Variants in KIAA1217 observed in about 807,000 individuals in gnomAD.
KIAA1217 encodes sickle tail protein homolog.
Under a neutral mutation model 163.9 loss-of-function variants are expected in KIAA1217, and 88 were observed. The ratio of observed to expected loss-of-function variants is 0.54; its 90% CI spans 0.45 to 0.64. The LOEUF (loss-of-function observed/expected upper bound fraction) is 0.64. Ranked by LOEUF, KIAA1217 falls within the 30% of genes least tolerant of loss-of-function variation. KIAA1217 has a pLI of 0.00. For synonymous variants in KIAA1217, 903 were observed against 923.1 expected, an observed-to-expected ratio of 0.98 and a Z score of 0.39; for missense variants, 2,372 against 2,475.0, an observed-to-expected ratio of 0.96 and a Z score of 0.88.
intron 1 of KIAA1217, among the ~76,000 whole-genome samples, chr10:23,810,517 G>T (rs111208197): frequency 0.29 from 37,704 of 131,532 alleles, 6,045 homozygotes; most frequent in African/African-American, 0.46. Flanking sequence ...ATATACTATA[G>T]ATAATCTATA....
intron 3 of KIAA1217, among the ~76,000 whole-genome samples, chr10:24,404,258 C>A (rs1016762659): frequency 1.3e-5 from 2 of 152,170 alleles, no homozygotes; most frequent in Non-Finnish European, 2.9e-5. Context: ...CTGAGCCCAC[C>A]CCTACAGTTC....
intron 2 of KIAA1217, among the ~76,000 whole-genome samples, chr10:24,069,444 A>C (rs1195707247): frequency 6.6e-6 from 1 of 152,208 alleles, no homozygotes; most frequent in Non-Finnish European, 1.5e-5. Flanking sequence ...GGCAGGTCCC[A>C]TCAGCACTCT....
chr10:24,106,402 G>C (rs1434057784), intron 2 of KIAA1217, among the ~76,000 whole-genome samples: 2 of 151,800 alleles, frequency 1.3e-5, no homozygotes, highest in African/African-American at 2.4e-5. Context: ...CTAGAATGTA[G>C]AGTAAATGGA....
intron 2 of KIAA1217, among the ~76,000 whole-genome samples, chr10:24,135,338 G>A (rs1006775064): frequency 6.6e-6 from 1 of 152,064 alleles, no homozygotes; most frequent in Non-Finnish European, 1.5e-5. Context: ...AAGACTTTAA[G>A]TCAGTGAGTT....
intron 1 of KIAA1217, among the ~76,000 whole-genome samples, chr10:23,816,071 T>G (rs951413052): frequency 6.6e-6 from 1 of 152,178 alleles, no homozygotes; most frequent in Non-Finnish European, 1.5e-5. Context: ...ATATTTAAAG[T>G]TAAGCTACTC....
At chr10:24,057,517 A>C (rs368930300) in intron 2 of KIAA1217, among the ~76,000 whole-genome samples, 17 of 152,162 alleles carry the variant, frequency 1.1e-4, no homozygotes, top group African/African-American at 3.9e-4. Context: ...AAGTGGAATC[A>C]TATGGTATTC....
chr10:24,220,446 C>CTTTTTTTTTT lies in KIAA1217; in HGVS notation c.354+554_354+563dup, dbSNP rs530992369. 1.6e-4 allele frequency among the ~76,000 whole-genome samples: 17 copies of CTTTTTTTTTT among 103,086 alleles called. 3 individuals are homozygous for CTTTTTTTTTT. The highest frequency in any genetic ancestry group is 8.0e-4 in the African/African-American group (16 of 20,044). 67.6% of individuals were successfully genotyped at this position (103,086 alleles called of 152,430 possible). A position where few individuals can be genotyped will look rare whatever the true frequency, so the allele number is the denominator to read the frequency against. ...ACATTAGGGTTTTGTTTCTGCTCTT[C>CTTTTTTTTTT]TTTTTTTTTTTTTTTTTTTTTTTTT... is the stretch of plus-strand genomic sequence containing the variant. On this transcript the variant is annotated intron_variant, in intron 2 of 20. Coordinates refer to ENST00000376454, the MANE Select transcript of KIAA1217 (RefSeq NM_019590.5).
chr10:24,354,260 C>T (rs2048797654), intron 2 of KIAA1217, among the ~76,000 whole-genome samples: 1 of 152,166 alleles, frequency 6.6e-6, no homozygotes, highest in African/African-American at 2.4e-5. Flanking sequence ...GTTCCCGGAC[C>T]CCCCTCACAG....
intron 2 of KIAA1217, among the ~76,000 whole-genome samples, chr10:24,279,644 G>T (rs1412613276): frequency 6.6e-6 from 1 of 152,106 alleles, no homozygotes; most frequent in Non-Finnish European, 1.5e-5. Flanking sequence ...AAAGTGTAAT[G>T]AAATTAGAGC....
At chr10:24,352,258 G>A (rs2048540410) in intron 2 of KIAA1217, among the ~76,000 whole-genome samples, 1 of 152,242 alleles carries the variant, frequency 6.6e-6, no homozygotes. Context: ...TGTGAATGGG[G>A]AGGTGGGGTG....
rs118105260 is a variant in KIAA1217, at chr10:24,105,553, T to C, written c.-171+98179T>C. On this transcript the variant is annotated intron_variant, in intron 2 of 18. Coordinates refer to the KIAA1217 transcript ENST00000376462. ...AAGAAACCAGTGGTATCTGTTCTCA[T>C]CTAGAACTGAGATTCTTTTTATTCC... 1.7e-3 allele frequency among the ~76,000 whole-genome samples: 254 copies of C among 152,332 alleles called. 3 individuals are homozygous for C. The East Asian group carries it at 0.031, about 18-fold the overall frequency.
intron 2 of KIAA1217, among the ~76,000 whole-genome samples, chr10:24,337,642 TTTCTTTTC>T (rs542661293): frequency 0.031 from 1,774 of 56,968 alleles, 114 homozygotes; most frequent in African/African-American, 0.17. Context: ...TTTCTTTTCT[TTTCTTTTC>T]TTTTTTTTTT....
At chr10:24,141,226 C>CG (rs1554882521) in intron 2 of KIAA1217, among the ~76,000 whole-genome samples, 1 of 30,098 alleles carries the variant, frequency 3.3e-5, no homozygotes, top group Non-Finnish European at 6.9e-5. Flanking sequence ...AAAGAATAAA[C>CG]CCCCCCCCCC....
At chr10:24,053,277 T>C (rs184260286) in intron 2 of KIAA1217, among the ~76,000 whole-genome samples, 369 of 152,280 alleles carry the variant, frequency 2.4e-3, no homozygotes, top group African/African-American at 8.6e-3. Context: ...ATAACTTTTG[T>C]TATATTTTGT....
intron 1 of KIAA1217, among the ~76,000 whole-genome samples, chr10:23,982,532 TCTCTCTC>T (rs1845813459): frequency 1.6e-5 from 1 of 62,190 alleles, no homozygotes; most frequent in African/African-American, 9.0e-5. Context: ...TTTTTGTTTC[TCTCTCTC>T]TCTCTCTCTC....
intron 1 of KIAA1217, among the ~76,000 whole-genome samples, chr10:23,889,504 T>G (rs1463010875): frequency 6.6e-6 from 1 of 151,902 alleles, no homozygotes; most frequent in Non-Finnish European, 1.5e-5. Flanking sequence ...ATTACAGATT[T>G]GTAAGAGTTC....
intron 2 of KIAA1217, among the ~76,000 whole-genome samples, chr10:24,370,888 A>G (rs1282673761): frequency 6.6e-6 from 1 of 152,192 alleles, no homozygotes; most frequent in Non-Finnish European, 1.5e-5. Context: ...CAGGCTTTTA[A>G]TTTTGTATCG....
intron 2 of KIAA1217, among the ~76,000 whole-genome samples, chr10:24,227,572 G>C (rs1409308033): frequency 6.8e-6 from 1 of 146,468 alleles, no homozygotes; most frequent in Non-Finnish European, 1.5e-5. Flanking sequence ...TTGCTCTGTT[G>C]CCCAGGCTGG....
intron 5 of KIAA1217, among the ~76,000 whole-genome samples, chr10:24,451,962 G>A (rs1375982663): frequency 6.6e-6 from 1 of 152,110 alleles, no homozygotes; most frequent in African/African-American, 2.4e-5. Flanking sequence ...CAGCCTAGGC[G>A]CCCCGAGTCC....
Sources: allele counts gnomAD v4.1 joint callset (sites outside exome capture counted in the v4.1 genomes callset), GRCh38; gene constraint gnomAD v4.1.1; transcripts MANE v1.5; gene names NCBI Gene and HGNC (gene_info 2026-07-23, HGNC 2026-07-21).